SMARCA1: variants seen among roughly 807,000 people sequenced by gnomAD.
SMARCA1 encodes the protein SNF2 related chromatin remodeling ATPase 1, also known as SWI/SNF-related matrix-associated actin-dependent regulator of chromatin subfamily A member 1.
A neutral mutation model predicts 93.6 loss-of-function variants in SMARCA1; 17 were observed. That is an observed-to-expected ratio of 0.18 (90% CI 0.12 to 0.27). The LOEUF is 0.27. SMARCA1 is among the 10% of genes least tolerant of loss of function. The pLI, the probability that SMARCA1 is intolerant of heterozygous loss-of-function variation, is 1.00. For missense variants in SMARCA1, 630 were observed against 819.0 expected (o/e 0.77, Z 2.82); for synonymous variants, 271 against 271.4 (o/e 1.00, Z 0.01).
At chrX:129,456,873 T>G (rs947046345) in intron 23 of SMARCA1, among the ~76,000 whole-genome samples, 1 of 112,396 alleles carries the variant, frequency 8.9e-6, no homozygotes, top group Non-Finnish European at 1.9e-5. Flanking sequence ...TGAACATTGT[T>G]GAGATGACAA....
intron 11 of SMARCA1, 130 bp from the exon 12 acceptor site, chrX:129,497,001 A>G (rs981570676): frequency 3.8e-5 from 6 of 159,540 alleles, no homozygotes; most frequent in South Asian, 2.3e-4. Flanking sequence ...ACACACGTGC[A>G]CACACACACA....
chrX:129,463,117 C>T (rs1012286103), intron 23 of SMARCA1, among the ~76,000 whole-genome samples: 5 of 111,309 alleles, frequency 4.5e-5, no homozygotes, highest in African/African-American at 1.6e-4. Flanking sequence ...CAAAATATCA[C>T]TGAAATAAAA....
At chrX:129,471,579 C>A (rs1670091561) in intron 19 of SMARCA1, among the ~76,000 whole-genome samples, 1 of 111,307 alleles carries the variant, frequency 9.0e-6, no homozygotes, top group Admixed American at 9.6e-5. Context: ...ATGATTATAC[C>A]CTGGAACAAA....
At chrX:129,465,774 G>T (rs372777625) in intron 22 of SMARCA1, 42 bp from the exon 23 acceptor site, 155 of 1,061,974 alleles carry the variant, frequency 1.5e-4, no homozygotes, top group Non-Finnish European at 1.9e-4. Flanking sequence ...TGAATGTGCA[G>T]TAAGAAGTCA....
chrX:129,518,539 TACATAACTAAA>T, intron 1 of SMARCA1, 92 bp from the exon 2 acceptor site: 1 of 478,660 alleles, frequency 2.1e-6, no homozygotes, highest in Non-Finnish European at 3.6e-6. Context: ...GGAAAGTAAT[TACATAACTAAA>T]TATATAAATC....
At chrX:129,505,675 C>T (rs1400541207) in intron 8 of SMARCA1, among the ~76,000 whole-genome samples, 2 of 111,271 alleles carry the variant, frequency 1.8e-5, no homozygotes, top group Non-Finnish European at 3.8e-5. Context: ...ATACTCTGAG[C>T]TCTTTAGCAC....
chrX:129,460,168 A>C lies in SMARCA1; in HGVS notation c.3030+5352T>G, dbSNP rs374509658. On this transcript the variant is annotated intron_variant, in intron 23 of 24. Coordinates refer to ENST00000371121, the MANE Select transcript of SMARCA1 (RefSeq NM_001282874.2). Reference sequence around the variant, plus strand: ...TTTCAAAAAAAAAATTTAATAAGAAAAGAACATTTTAGTCTTTTAAGTGCA... The same window carrying C: ...TTTCAAAAAAAAAATTTAATAAGAACAGAACATTTTAGTCTTTTAAGTGCA... 2.1e-4 allele frequency among the ~76,000 whole-genome samples: 23 copies of C among 111,496 alleles called. No homozygotes were observed. In the East Asian group the frequency reaches 4.5e-3, roughly 22 times the overall value.
chrX:129,505,653 C>A (rs1934783245), intron 8 of SMARCA1, among the ~76,000 whole-genome samples: 1 of 111,422 alleles, frequency 9.0e-6, no homozygotes, highest in Admixed American at 9.6e-5. Flanking sequence ...AATATGCTGT[C>A]TTTCAAATCA....
intron 19 of SMARCA1, among the ~76,000 whole-genome samples, 159 bp from the exon 20 acceptor site, chrX:129,471,485 T>A (rs1844770655): frequency 8.9e-6 from 1 of 112,294 alleles, no homozygotes; most frequent in African/African-American, 3.2e-5. Context: ...GCTACCATGA[T>A]CCTATTGAAG....
intron 11 of SMARCA1, 126 bp from the exon 12 acceptor site, chrX:129,496,997 G>A (rs971189351): frequency 2.5e-5 from 12 of 471,096 alleles, no homozygotes; most frequent in Middle Eastern, 5.5e-4. Context: ...ACACACACAC[G>A]TGCACACACA....
intron 24 of SMARCA1, among the ~76,000 whole-genome samples, chrX:129,447,798 C>T (rs771040172): frequency 3.6e-5 from 4 of 111,476 alleles, no homozygotes; most frequent in African/African-American, 9.8e-5. Flanking sequence ...TCAAATAATA[C>T]GATCTATTAA....
chrX:129,479,653 A>ATATTTTATTTTATTTTATTT lies in SMARCA1; in HGVS notation c.2442+1028_2442+1047dup, dbSNP rs3069688. ...ACTTCATAAAATTAAAATAGTGTTA[A>ATATTTTATTTTATTTTATTT]TATTTTATTTTATTTTATTTTATTT... is the stretch of plus-strand genomic sequence containing the variant. On this transcript the variant is annotated intron_variant, in intron 19 of 24. Transcript: ENST00000371121. Among the ~76,000 whole-genome samples the ATATTTTATTTTATTTTATTT allele has an allele frequency of 4.5e-4, 42 of 94,046 alleles. 1 individual carries two copies. The highest frequency in any genetic ancestry group is 9.8e-4 in the African/African-American group (23 of 23,387). 81.7% of individuals were successfully genotyped at this position (94,046 alleles called of 115,157 possible). A position where few individuals can be genotyped will look rare whatever the true frequency, so the allele number is the denominator to read the frequency against.
chrX:129,476,898 A>C lies in SMARCA1; in HGVS notation c.2442+3803T>G, dbSNP rs189275467. Among the ~76,000 whole-genome samples, 8 of 111,960 alleles carry C rather than the reference A, an allele frequency of 7.1e-5. No homozygotes were observed. In the East Asian group the frequency reaches 2.2e-3, roughly 31 times the overall value. On this transcript the variant is annotated intron_variant, in intron 19 of 24. Coordinates refer to ENST00000371121, the MANE Select transcript of SMARCA1 (RefSeq NM_001282874.2). Reference sequence around the variant, plus strand: ...TCTATTCTCTGAACTCAAACAAAAAACCACCCAATTAAAGAACCCACCTTA... The same window carrying C: ...TCTATTCTCTGAACTCAAACAAAAACCCACCCAATTAAAGAACCCACCTTA...
intron 14 of SMARCA1, among the ~76,000 whole-genome samples, chrX:129,491,609 A>G (rs1318562121): frequency 8.9e-6 from 1 of 111,812 alleles, no homozygotes; most frequent in Non-Finnish European, 1.9e-5. Context: ...TAATAACAAG[A>G]GATTGTTTTT....
chrX:129,519,762 T>C (rs781455859), intron 1 of SMARCA1, among the ~76,000 whole-genome samples: 1 of 112,030 alleles, frequency 8.9e-6, no homozygotes, highest in Non-Finnish European at 1.9e-5. Flanking sequence ...CTGCCATATA[T>C]AATATAAATC....
At chrX:129,495,839 C>G (rs1313030282) in intron 12 of SMARCA1, among the ~76,000 whole-genome samples, 8 of 103,812 alleles carry the variant, frequency 7.7e-5, no homozygotes, top group Non-Finnish European at 1.6e-4. Context: ...ATGCCATGAT[C>G]TTGGCTCAAT....
chrX:129,458,748 G>C (rs1017132696), intron 23 of SMARCA1, among the ~76,000 whole-genome samples: 5 of 112,208 alleles, frequency 4.5e-5, no homozygotes, highest in Non-Finnish European at 9.4e-5. Context: ...TGTTATGGTT[G>C]AAAGTCAAAA....
intron 23 of SMARCA1, among the ~76,000 whole-genome samples, chrX:129,455,858 T>C (rs1019939659): frequency 1.8e-5 from 2 of 112,189 alleles, no homozygotes; most frequent in African/African-American, 6.5e-5. Flanking sequence ...AAAGATGCTG[T>C]TTCCATAACA....
At chrX:129,468,639 A>G (rs1932991066) in intron 21 of SMARCA1, 134 bp downstream of exon 21, 2 of 403,418 alleles carry the variant, frequency 5.0e-6, no homozygotes, top group East Asian at 8.5e-5. Context: ...TAGAAATACA[A>G]TTATAGTTTA....
Sources: gnomAD v4.1 joint callset for allele counts (sites outside exome capture counted in the v4.1 genomes callset) on GRCh38, gnomAD v4.1.1 for gene constraint, MANE v1.5 for transcripts, NCBI Gene and HGNC (gene_info 2026-07-23, HGNC 2026-07-21) for gene names.